SRPK1: variants seen among roughly 807,000 people sequenced by gnomAD.
SRPK1 encodes SRSF protein kinase 1.
Under a neutral mutation model 89.5 loss-of-function variants are expected in SRPK1, and 52 were observed. The observed-to-expected ratio is 0.58, with a 90% CI of 0.46 to 0.73. The LOEUF (loss-of-function observed/expected upper bound fraction) is 0.73, where lower values mean the gene tolerates loss of function less well. Among genes scored for constraint, SRPK1 ranks in the 30% least tolerant of loss-of-function variants. The pLI is 0.00. For missense variants in SRPK1, 603 were observed against 780.6 expected (o/e 0.77, Z 2.71); for synonymous variants, 255 against 270.2 (o/e 0.94, Z 0.55).
At chr6:35,851,318 T>G (rs1184982966) in intron 13 of SRPK1, among the ~76,000 whole-genome samples, 1 of 151,760 alleles carries the variant, frequency 6.6e-6, no homozygotes, top group East Asian at 1.9e-4. Flanking sequence ...GGGATTTCAG[T>G]TGCACGCCAC....
intron 2 of SRPK1, among the ~76,000 whole-genome samples, chr6:35,891,849 A>G (rs149003398): frequency 3.9e-5 from 6 of 152,308 alleles, no homozygotes; most frequent in Non-Finnish European, 7.4e-5. Context: ...TAGTTGTTGA[A>G]TACTTTTGGA....
At chr6:35,875,738 A>T (rs567906005) in intron 6 of SRPK1, among the ~76,000 whole-genome samples, 1 of 152,294 alleles carries the variant, frequency 6.6e-6, no homozygotes, top group Admixed American at 6.5e-5. Flanking sequence ...GTGAATACTA[A>T]AACAACTATG....
chr6:35,835,221 C>G lies in SRPK1; in HGVS notation c.*83G>C. 8.2e-7 allele frequency: 1 copy of G among 1,223,456 alleles called. No homozygotes were observed. The highest frequency in any genetic ancestry group is 1.7e-5 in the South Asian group (1 of 58,022). 75.8% of individuals were successfully genotyped at this position (1,223,456 alleles called of 1,614,324 possible). ...AGAAACTCTTGAAGGAAGAGCTTCA[C>G]CCTGAAAAGGGAAGAGGAAAATGCT... On this transcript the variant is annotated 3_prime_UTR_variant, in exon 16 of 16. Transcript: ENST00000373825.
chr6:35,869,184 A>G (rs773004477), intron 11 of SRPK1, 74 bp from the exon 12 acceptor site: 4 of 1,277,834 alleles, frequency 3.1e-6, no homozygotes, highest in Non-Finnish European at 4.4e-6. Flanking sequence ...AAAGCTCTCC[A>G]AGGTAAGAGT....
In SRPK1 at chr6:35,857,335, G is replaced by T; in HGVS notation, c.1546C>A (p.Gln516Lys). The T allele has an allele frequency of 1.9e-6, 3 of 1,612,424 alleles. No individual in the cohort carries two copies. The highest frequency in any genetic ancestry group is 2.5e-6 in the Non-Finnish European group (3 of 1,179,222). ...ATTAGAACTTCCAAGGAACGATATT[G>T]CCTTGTTTGAATATCTTCAGTGAAA... ...KHFTEDIQTR[Q>K]YRSLEVLIGS... Residue 516 changes from glutamine (Q) to lysine (K), a missense_variant, in exon 13 of 16, where the codon CAA becomes AAA. Transcript: ENST00000373825.
At chr6:35,875,086 T>C (rs1770126955) in intron 6 of SRPK1, among the ~76,000 whole-genome samples, 1 of 152,138 alleles carries the variant, frequency 6.6e-6, no homozygotes, top group Non-Finnish European at 1.5e-5. Context: ...GACTTTAACA[T>C]TCTCCATTAA....
intron 13 of SRPK1, among the ~76,000 whole-genome samples, chr6:35,855,027 C>G (rs554632776): frequency 2.2e-4 from 33 of 152,236 alleles, no homozygotes; most frequent in African/African-American, 6.7e-4. Context: ...ATGGGCCCAG[C>G]GCGGTGGCTC....
intron 2 of SRPK1, among the ~76,000 whole-genome samples, chr6:35,897,141 G>A (rs896850282): frequency 1.3e-5 from 2 of 152,194 alleles, no homozygotes; most frequent in Non-Finnish European, 2.9e-5. Flanking sequence ...ATCATGGTGA[G>A]ATATAACAAT....
chr6:35,920,946 G>C (rs1391669246), intron 1 of SRPK1, 98 bp downstream of exon 1: 10 of 1,404,892 alleles, frequency 7.1e-6, no homozygotes, highest in Non-Finnish European at 8.6e-6. Flanking sequence ...GCACGTCCGG[G>C]AACCGAACCG....
chr6:35,913,936 T>TAAAA (rs1284143267), intron 2 of SRPK1, among the ~76,000 whole-genome samples: 1 of 146,684 alleles, frequency 6.8e-6, no homozygotes, highest in Non-Finnish European at 1.5e-5. Flanking sequence ...AGCTGAGAAA[T>TAAAA]AAAAGTCTGC....
At chr6:35,880,742 A>AAAAGAAAG (rs1770259948) in intron 6 of SRPK1, among the ~76,000 whole-genome samples, 14 of 28,160 alleles carry the variant, frequency 5.0e-4, no homozygotes, top group South Asian at 2.2e-3. Context: ...AAAGAAAAAA[A>AAAAGAAAG]AAAAAAAAGA....
At chr6:35,870,050 G>T in intron 10 of SRPK1, 149 bp from the exon 11 acceptor site, 1 of 1,038,386 alleles carries the variant, frequency 9.6e-7, no homozygotes, top group Non-Finnish European at 1.4e-6. Context: ...TTCCGGAAGG[G>T]CCAAGATCTT....
In SRPK1 at chr6:35,842,641, A is replaced by G. The variant is rs1277302045; in HGVS notation, c.1621-37T>C. The G allele has an allele frequency of 7.2e-6, 11 of 1,537,922 alleles. No homozygotes were observed. In the South Asian group the frequency reaches 1.1e-4, roughly 16 times the overall value. On this transcript the variant is annotated intron_variant, in intron 13 of 15. Coordinates refer to ENST00000373825, the MANE Select transcript of SRPK1 (RefSeq NM_003137.5). ...AGAGGACAGTATATGAAAGCACAAAAGAAAAGAAGGCCTTTGGAAAGCTGA... is the reference window on the plus strand; with the variant it reads ...AGAGGACAGTATATGAAAGCACAAAGGAAAAGAAGGCCTTTGGAAAGCTGA...
chr6:35,853,297 C>A (rs1351981151), intron 13 of SRPK1, among the ~76,000 whole-genome samples: 6 of 150,972 alleles, frequency 4.0e-5, no homozygotes, highest in South Asian at 2.1e-4. Flanking sequence ...ACAACAACAA[C>A]AAAAAAAAGA....
intron 10 of SRPK1, 29 bp from the exon 11 acceptor site, chr6:35,869,930 T>C: frequency 4.0e-6 from 6 of 1,518,812 alleles, no homozygotes; most frequent in Non-Finnish European, 5.3e-6. Flanking sequence ...AAAAAAGATA[T>C]ATGCATATGT....
At chr6:35,857,097 G>T in intron 13 of SRPK1, 164 bp downstream of exon 13, 1 of 542,914 alleles carries the variant, frequency 1.8e-6, no homozygotes, top group Middle Eastern at 2.8e-4. Flanking sequence ...TGCCAGACAG[G>T]TTTTTGAATT....
chr6:35,899,280 C>CT (rs1436888446), intron 2 of SRPK1, among the ~76,000 whole-genome samples: 1 of 152,222 alleles, frequency 6.6e-6, no homozygotes. Flanking sequence ...TCATTGCCCC[C>CT]TCCAACCCAT....
At chr6:35,876,182 G>A (rs9470154) in intron 6 of SRPK1, among the ~76,000 whole-genome samples, 47,711 of 149,262 alleles carry the variant, frequency 0.32, 7,756 homozygotes, top group South Asian at 0.43. Context: ...CAAAATTACA[G>A]TAAGATAGCA....
At chr6:35,918,571 CAA>C (rs1771164262) in intron 2 of SRPK1, among the ~76,000 whole-genome samples, 1 of 151,962 alleles carries the variant, frequency 6.6e-6, no homozygotes, top group Non-Finnish European at 1.5e-5. Flanking sequence ...TAATTGGAAA[CAA>C]ATCCAAAAAT....
Sources: gnomAD v4.1 joint callset for allele counts (sites outside exome capture counted in the v4.1 genomes callset) on GRCh38, gnomAD v4.1.1 for gene constraint, MANE v1.5 for transcripts, NCBI Gene and HGNC (gene_info 2026-07-23, HGNC 2026-07-21) for gene names.